ZNF469: variants seen among roughly 807,000 people sequenced by gnomAD.
ZNF469 encodes the protein zinc finger protein 469.
In ZNF469, 1 loss-of-function variant was observed where a neutral mutation model predicts 1.0. The ratio of observed to expected loss-of-function variants is 1.00; its 90% CI spans 0.35 to 4.73. The LOEUF is 4.73. ZNF469 is among the 30% of genes most tolerant of loss of function. ZNF469 has a pLI of 0.16. For missense variants in ZNF469, 6,100 were observed against 5,356.3 expected (o/e 1.14, Z -4.33); for synonymous variants, 2,703 against 2,363.4 (o/e 1.14, Z -4.17).
chr16:88,428,513 A>G lies in ZNF469; in HGVS notation c.1043A>G (p.His348Arg). ...GGCCAGCCAGGTGGCCTGAACCGCC[A>G]CAGCGACCTCAGTGGTGCCCTCTCT... The part of the protein sequence containing the change: ...YQGQPGGLNR[H>R]SDLSGALSSP... Residue 348 changes from histidine to arginine, a missense_variant, in exon 3 of 3, where the codon CAC becomes CGC. Coordinates refer to ENST00000565624, the MANE Select transcript of ZNF469 (RefSeq NM_001367624.2). The G allele has an allele frequency of 6.5e-7, 1 of 1,549,890 alleles. No individual in the cohort carries two copies. The highest frequency in any genetic ancestry group is 8.7e-7 in the Non-Finnish European group (1 of 1,146,808).
chr16:88,396,972 A>AGGAGGAGACCCTCCTGCAGGGAGGCCG (rs1904698564), intron 1 of ZNF469, among the ~76,000 whole-genome samples: 1 of 83,074 alleles, frequency 1.2e-5, no homozygotes, highest in Non-Finnish European at 2.7e-5. Context: ...AAGGGAGGCC[A>AGGAGGAGACCCTCCTGCAGGGAGGCCG]GGAGGAGACC....
chr16:88,119,994 GA>G, the ZNF469 span, among the ~76,000 whole-genome samples: 1 of 152,290 alleles, frequency 6.6e-6, no homozygotes, highest in Non-Finnish European at 1.5e-5. Context: ...GCTGTGAGGG[GA>G]GCACTGTCTT....
chr16:88,439,879 G>GGCCCCCTCCCTCTGACCACAGGGTCAT lies in ZNF469; in HGVS notation c.*550_*551insCCCTCCCTCTGACCACAGGGTCATGCC. ...CGCCTGGTCCCCCAAGAGCACAACAGGCCTCCTCCCTCTGACCACAGGGTC... is the reference window on the plus strand; with the variant it reads ...CGCCTGGTCCCCCAAGAGCACAACAGGCCCCCTCCCTCTGACCACAGGGTCATGCCTCCTCCCTCTGACCACAGGGTC... On this transcript the variant is annotated 3_prime_UTR_variant, in exon 3 of 3. Transcript: ENST00000565624. The GGCCCCCTCCCTCTGACCACAGGGTCAT allele has an allele frequency of 6.8e-6, 1 of 146,104 alleles. No homozygotes were observed. The allele number at this position is 146,104 out of a possible 1,614,324, so 9.1% of individuals were successfully genotyped here. A position where few individuals can be genotyped will look rare whatever the true frequency, so the allele number is the denominator to read the frequency against.
In ZNF469 at chr16:88,430,566, C is replaced by T. The variant is rs886813967; in HGVS notation, c.3096C>T (p.Pro1032=). ...TRSSRRRRLP[P]RKDPRKRKAR... ...GCTCCCGGCGCCGCCGGCTGCCCCC[C>T]AGGAAGGACCCCAGGAAGAGGAAGG... Residue 1032 remains proline (P), a synonymous_variant, in exon 3 of 3, where the codon CCC becomes CCT. Coordinates refer to ENST00000565624, the MANE Select transcript of ZNF469 (RefSeq NM_001367624.2). 27 of 1,489,252 alleles carry T rather than the reference C, an allele frequency of 1.8e-5. No homozygotes were observed. The East Asian group carries it at 4.7e-4, about 26-fold the overall frequency. 92.3% of individuals were successfully genotyped at this position (1,489,252 alleles called of 1,614,324 possible). A position where few individuals can be genotyped will look rare whatever the true frequency, so the allele number is the denominator to read the frequency against.
At chr16:88,229,529 CTGA>C in the ZNF469 span, among the ~76,000 whole-genome samples, 2 of 139,176 alleles carry the variant, frequency 1.4e-5, no homozygotes, top group South Asian at 2.3e-4. Context: ...TGCGTGTGTG[CTGA>C]TGTCACGCGT....
the ZNF469 span, among the ~76,000 whole-genome samples, chr16:88,309,852 T>C: frequency 6.6e-6 from 1 of 152,136 alleles, no homozygotes; most frequent in Non-Finnish European, 1.5e-5. Flanking sequence ...TAACAAAGCA[T>C]CAGGGCCACT....
chr16:88,256,897 T>TTCTCTCTTTCTTTCTTC, the ZNF469 span, among the ~76,000 whole-genome samples: 1 of 22,492 alleles, frequency 4.4e-5, no homozygotes, highest in African/African-American at 2.1e-4. Context: ...TTTCTTTCCT[T>TTCTCTCTTTCTTTCTTC]CTTTCTTTCT....
the ZNF469 span, among the ~76,000 whole-genome samples, chr16:88,131,290 AAAG>A: frequency 1.3e-5 from 2 of 152,216 alleles, no homozygotes; most frequent in African/African-American, 4.8e-5. Flanking sequence ...AAACGAAACA[AAAG>A]AAGTCAAAAC....
intron 1 of ZNF469, among the ~76,000 whole-genome samples, chr16:88,390,121 C>G (rs138591767): frequency 6.6e-5 from 10 of 152,314 alleles, no homozygotes; most frequent in Admixed American, 2.0e-4. Context: ...GACACTGGCT[C>G]CGAACTGACA....
the ZNF469 span, among the ~76,000 whole-genome samples, chr16:88,294,083 T>C: frequency 6.6e-6 from 1 of 152,202 alleles, no homozygotes; most frequent in Admixed American, 6.5e-5. Flanking sequence ...GTGGCCTTTG[T>C]TGGATGTGAG....
At position 88,437,648 on chromosome 16, in the gene ZNF469, G is replaced by C. The variant is rs773264104; in HGVS notation, c.10178G>C (p.Arg3393Pro). 3 of 1,544,196 alleles carry C rather than the reference G, an allele frequency of 1.9e-6. No individual in the cohort carries two copies. Among genetic ancestry groups the C allele is most frequent in the East Asian group, 2.5e-5 (1 of 40,692 alleles). ...GGCGGGGCGCACGGGCTGCTGGAGC[G>C]GCCGGAGCTGCAGCACACGCCGCTG... is the stretch of plus-strand genomic sequence containing the variant. ...HLGGAHGLLE[R>P]PELQHTPLYA... The change falls in exon 3 of 3, where the codon CGG becomes CCG. Residue 3393 changes from arginine to proline, a missense_variant. Arg to Pro is a moderately radical substitution (Grantham distance 103). Transcript: ENST00000565624.
the ZNF469 span, among the ~76,000 whole-genome samples, chr16:88,227,216 G>GA: frequency 6.6e-6 from 1 of 152,200 alleles, no homozygotes; most frequent in South Asian, 2.1e-4. Flanking sequence ...CCGTCGTGGG[G>GA]ATACATAAGG....
chr16:88,356,625 G>A, the ZNF469 span, among the ~76,000 whole-genome samples: 22 of 152,298 alleles, frequency 1.4e-4, no homozygotes, highest in East Asian at 3.9e-3. Context: ...CAGCAGACTG[G>A]GCTCAGAAGG....
chr16:88,271,245 C>G, the ZNF469 span, among the ~76,000 whole-genome samples: 2 of 148,246 alleles, frequency 1.3e-5, no homozygotes, highest in Non-Finnish European at 3.0e-5. Flanking sequence ...ATAACAGACC[C>G]TGCGGAAAAG....
Position 88,437,756 on chromosome 16 carries a change from A to G in ZNF469, c.10286A>G (p.Lys3429Arg), listed in dbSNP as rs1339551555. 2 of 1,549,688 alleles carry G rather than the reference A, an allele frequency of 1.3e-6. No homozygotes were observed. Among genetic ancestry groups the G allele is most frequent in the East Asian group, 2.4e-5 (1 of 40,876 alleles). ...AGCTCCTGCAACTACACCTTCGCCA[A>G]GAAGGAGCAGTTCGACCGCCACATG... ...ACSSCNYTFAKKEQFDRHMNK... is the reference protein window; with the variant it reads ...ACSSCNYTFARKEQFDRHMNK... Residue 3429 changes from lysine to arginine, a missense_variant, in exon 3 of 3, where the codon AAG becomes AGG. By Grantham distance (26) the Lys-to-Arg change is conservative (BLOSUM62 2). Transcript: ENST00000565624.
At chr16:88,246,870 AGTG>A in the ZNF469 span, among the ~76,000 whole-genome samples, 3 of 106,240 alleles carry the variant, frequency 2.8e-5, no homozygotes, top group African/African-American at 4.1e-5. Context: ...CAAGTGAATG[AGTG>A]AGTGAATGAA....
At chr16:88,183,066 A>C in the ZNF469 span, among the ~76,000 whole-genome samples, 1 of 152,346 alleles carries the variant, frequency 6.6e-6, no homozygotes, top group East Asian at 1.9e-4. Flanking sequence ...ATCCACTAAA[A>C]AGTAGGTAAA....
At chr16:88,414,788 C>T (rs1427387482) in intron 1 of ZNF469, among the ~76,000 whole-genome samples, 1 of 152,272 alleles carries the variant, frequency 6.6e-6, no homozygotes, top group African/African-American at 2.4e-5. Context: ...CACCAGGCCA[C>T]TGTGGCCAGA....
At chr16:88,239,588 C>T in the ZNF469 span, among the ~76,000 whole-genome samples, 3 of 146,058 alleles carry the variant, frequency 2.1e-5, no homozygotes, top group African/African-American at 5.0e-5. Context: ...CCCAGGTTCA[C>T]GCCATTCTCC....
Sources: gnomAD v4.1 joint callset for allele counts (sites outside exome capture counted in the v4.1 genomes callset) on GRCh38, gnomAD v4.1.1 for gene constraint, MANE v1.5 for transcripts, NCBI Gene and HGNC (gene_info 2026-07-23, HGNC 2026-07-21) for gene names.